The following GRM5 variants were observed in gnomAD, a reference collection of about 807,000 sequenced individuals.
The protein encoded by GRM5 is metabotropic glutamate receptor 5.
GRM5 carries 19 observed loss-of-function variants against 83.1 expected under a neutral mutation model. That is an observed-to-expected ratio of 0.23 (90% CI 0.16 to 0.34). The LOEUF is 0.34. GRM5 is among the 10% of genes least tolerant of loss of function. The pLI is 1.00. For synonymous variants in GRM5, 675 were observed against 633.6 expected (o/e 1.07, Z -0.98); for missense variants, 1,160 against 1,588.3 (o/e 0.73, Z 4.58).
intron 2 of GRM5, among the ~76,000 whole-genome samples, chr11:88,968,878 T>C (rs1939076351): frequency 6.6e-6 from 1 of 152,094 alleles, no homozygotes. Flanking sequence ...TGACAAGAAA[T>C]CTTTAATTAT....
intron 2 of GRM5, among the ~76,000 whole-genome samples, chr11:88,856,683 T>C (rs904108171): frequency 6.6e-6 from 1 of 152,060 alleles, no homozygotes; most frequent in African/African-American, 2.4e-5. Context: ...GGTATCTTTG[T>C]ACAACGGACA....
chr11:88,630,922 G>A (rs1342767356), intron 4 of GRM5, among the ~76,000 whole-genome samples: 1 of 152,104 alleles, frequency 6.6e-6, no homozygotes, highest in Non-Finnish European at 1.5e-5. Flanking sequence ...TCATTTCTTA[G>A]TGACCATATC....
chr11:88,604,875 T>C lies in GRM5; in HGVS notation c.1237A>G (p.Asn413Asp). ...AIYSMAYGLH[N>D]MQMSLCPGYA... ...CCTGGGCAGAGGGACATCTGCATGTTGTGGAGCCCATAGGCCATCGAATAG... is the reference window on the plus strand; with the variant it reads ...CCTGGGCAGAGGGACATCTGCATGTCGTGGAGCCCATAGGCCATCGAATAG... Residue 413 changes from asparagine (N) to aspartate (D), a missense_variant, in exon 5 of 10, where the codon AAC (asparagine) becomes GAC (aspartate). Asn to Asp is a conservative substitution (Grantham distance 23). Around this residue, in one of 9 missense-constraint regions of GRM5, gnomAD observed 132 missense variants for 197.6 expected, o/e 0.67. Transcript: ENST00000305447. 6.2e-7 allele frequency: 1 copy of C among 1,613,522 alleles called. No homozygotes were observed.
chr11:88,951,080 T>C (rs921229048), intron 2 of GRM5, among the ~76,000 whole-genome samples: 3 of 149,914 alleles, frequency 2.0e-5, no homozygotes, highest in African/African-American at 7.3e-5. Flanking sequence ...GATTAGAGTG[T>C]GTGTGTGTGT....
chr11:89,010,874 C>A (rs1334505972), intron 2 of GRM5, among the ~76,000 whole-genome samples: 1 of 152,034 alleles, frequency 6.6e-6, no homozygotes, highest in Non-Finnish European at 1.5e-5. Flanking sequence ...CTAATATCTG[C>A]AGAGGATGGC....
rs924403022 is a variant in GRM5 at position 88,597,187 on chromosome 11, G to C, written c.1560C>G (p.Ile520Met). Reference sequence around the variant, plus strand: ...AGAAACATAGATTCCATTTTACCTTGATCTGGCCTTTCTCACATGGTTCAC... The same window carrying C: ...AGAAACATAGATTCCATTTTACCTTCATCTGGCCTTTCTCACATGGTTCAC... ...VCSEPCEKGQ[I>M]KVIRKGEVSC... Residue 520 changes from isoleucine to methionine, a missense_variant, in exon 6 of 10, where the codon ATC (isoleucine) becomes ATG (methionine). This residue lies in a region of GRM5 where 132 missense variants were observed against 245.5 expected (regional missense o/e 0.54). Transcript: ENST00000305447. 3 of 1,557,096 alleles carry C rather than the reference G, an allele frequency of 1.9e-6. No individual in the cohort carries two copies. The highest frequency in any genetic ancestry group is 2.6e-6 in the Non-Finnish European group (3 of 1,151,870).
Position 88,800,443 on chromosome 11 carries a change from A to G in GRM5, c.911+49463T>C, listed in dbSNP as rs11821041. ...AAAAAAAACCTTCTAGATTACTTGCAAAACAATATCAAAATTTTTGCTTAT... is the reference window on the plus strand; with the variant it reads ...AAAAAAAACCTTCTAGATTACTTGCGAAACAATATCAAAATTTTTGCTTAT... On this transcript the variant is annotated intron_variant, in intron 3 of 9. Transcript: ENST00000305447. 3.4e-3 allele frequency among the ~76,000 whole-genome samples: 520 copies of G among 152,172 alleles called. 1 individual carries two copies. Among genetic ancestry groups the G allele is most frequent in the African/African-American group, 0.012 (499 of 41,516 alleles).
At chr11:88,892,919 G>A (rs1317458755) in intron 2 of GRM5, among the ~76,000 whole-genome samples, 1 of 151,916 alleles carries the variant, frequency 6.6e-6, no homozygotes, top group Non-Finnish European at 1.5e-5. Context: ...ATAAAGCCAA[G>A]AAACTTCATA....
chr11:88,832,171 A>G (rs999036153), intron 3 of GRM5, among the ~76,000 whole-genome samples: 7 of 144,804 alleles, frequency 4.8e-5, no homozygotes, highest in Admixed American at 2.0e-4. Context: ...GCCCTATCCA[A>G]TCAATACCAC....
At chr11:89,015,301 T>C (rs1219823570) in intron 2 of GRM5, among the ~76,000 whole-genome samples, 2 of 152,186 alleles carry the variant, frequency 1.3e-5, no homozygotes, top group Non-Finnish European at 2.9e-5. Flanking sequence ...TTAAAATTTA[T>C]AGGCAGACAC....
intron 1 of GRM5, among the ~76,000 whole-genome samples, chr11:89,048,608 A>G (rs1941692918): frequency 6.6e-6 from 1 of 152,232 alleles, no homozygotes; most frequent in African/African-American, 2.4e-5. Flanking sequence ...TCCAAATACA[A>G]TGTCAAGCAA....
At position 88,771,488 on chromosome 11, in the gene GRM5, G is replaced by A. The variant is rs148133344; in HGVS notation, c.911+78418C>T. Among the ~76,000 whole-genome samples the A allele has an allele frequency of 5.6e-3, 855 of 152,258 alleles. 4 individuals carry two copies. The highest frequency in any genetic ancestry group is 8.6e-3 in the Non-Finnish European group (588 of 68,012). ...TGGAGTCTGATGTTCAAGGGCAAGA[G>A]GAACAGATGGGAGCATGTAGCATGG... is the stretch of plus-strand genomic sequence containing the variant. On this transcript the variant is annotated intron_variant, in intron 3 of 9. Transcript: ENST00000305447.
intron 2 of GRM5, among the ~76,000 whole-genome samples, chr11:88,919,752 G>A (rs1945656971): frequency 6.6e-6 from 1 of 151,816 alleles, no homozygotes; most frequent in Admixed American, 6.6e-5. Context: ...GAGGTACTTT[G>A]GAAACTATAA....
intron 3 of GRM5, among the ~76,000 whole-genome samples, chr11:88,812,524 A>G (rs545521191): frequency 6.6e-6 from 1 of 152,286 alleles, no homozygotes; most frequent in South Asian, 2.1e-4. Context: ...TTTTTTTCTA[A>G]TGCATTTGTT....
intron 2 of GRM5, among the ~76,000 whole-genome samples, chr11:88,897,645 G>A (rs749077895): frequency 4.0e-4 from 61 of 151,814 alleles, no homozygotes; most frequent in Non-Finnish European, 6.8e-4. Context: ...CTAGTAGGTT[G>A]AGGTCAGAGA....
chr11:88,874,173 T>TA (rs58425219), intron 2 of GRM5, among the ~76,000 whole-genome samples: 146,886 of 149,814 alleles, frequency 0.98, 72,045 homozygotes, highest in South Asian at 1. Context: ...TGAGATGATT[T>TA]AAAAAAAAAG....
At chr11:88,517,858 T>C (rs1201902931) in intron 9 of GRM5, among the ~76,000 whole-genome samples, 1 of 152,126 alleles carries the variant, frequency 6.6e-6, no homozygotes, top group African/African-American at 2.4e-5. Context: ...ATATATATTG[T>C]ATATAACTAC....
chr11:88,721,481 T>A (rs1002499595), intron 3 of GRM5, among the ~76,000 whole-genome samples: 2 of 152,116 alleles, frequency 1.3e-5, no homozygotes, highest in African/African-American at 2.4e-5. Context: ...AAGTATCTGG[T>A]GGTTACAAAA....
chr11:88,672,591 C>T (rs556053993), intron 3 of GRM5, among the ~76,000 whole-genome samples: 1 of 151,836 alleles, frequency 6.6e-6, no homozygotes, highest in East Asian at 1.9e-4. Context: ...GTGAAATGTA[C>T]AAAAGTAAGG....
Sources: gnomAD v4.1 joint callset for allele counts (sites outside exome capture counted in the v4.1 genomes callset) on GRCh38, gnomAD v4.1.1 for gene constraint, gnomAD v4.1.1 regional missense constraint, MANE v1.5 for transcripts, NCBI Gene and HGNC (gene_info 2026-07-23, HGNC 2026-07-21) for gene names.